The following ATF7 variants were observed in gnomAD, a reference collection of about 807,000 sequenced individuals.
ATF7 encodes activating transcription factor 7.
A neutral mutation model predicts 50.4 loss-of-function variants in ATF7; 10 were observed. The observed-to-expected ratio is 0.20, with a 90% CI of 0.12 to 0.34. The LOEUF (loss-of-function observed/expected upper bound fraction) is 0.34. ATF7 is among the 10% of genes least tolerant of loss of function. ATF7 has a pLI of 1.00. For synonymous variants in ATF7, 201 were observed against 226.4 expected (o/e 0.89, Z 1.01); for missense variants, 465 against 613.9 (o/e 0.76, Z 2.56).
chr12:53,606,870 A>G (rs948147971), intron 1 of ATF7, among the ~76,000 whole-genome samples: 24 of 151,864 alleles, frequency 1.6e-4, no homozygotes, highest in African/African-American at 5.6e-4. Context: ...AGTTTCATCC[A>G]TGTCCCTACA....
chr12:53,620,101 G>C (rs1000966726), intron 1 of ATF7, among the ~76,000 whole-genome samples: 4 of 151,962 alleles, frequency 2.6e-5, no homozygotes, highest in Non-Finnish European at 5.9e-5. Flanking sequence ...CCATGATTGT[G>C]CCACTGTACT....
At chr12:53,611,879 C>T (rs1004959325) in intron 1 of ATF7, among the ~76,000 whole-genome samples, 1 of 152,120 alleles carries the variant, frequency 6.6e-6, no homozygotes, top group African/African-American at 2.4e-5. Context: ...CAGACATGAG[C>T]CACCACTTTC....
chr12:53,606,705 C>G (rs1943621737), intron 1 of ATF7, among the ~76,000 whole-genome samples: 1 of 105,642 alleles, frequency 9.5e-6, no homozygotes, highest in African/African-American at 3.7e-5. Context: ...TAATGCTATC[C>G]CTCCCCCCTC....
intron 9 of ATF7, among the ~76,000 whole-genome samples, chr12:53,531,083 T>C (rs1389314291): frequency 6.6e-6 from 1 of 152,124 alleles, no homozygotes; most frequent in Non-Finnish European, 1.5e-5. Flanking sequence ...GGCTCTGTCA[T>C]ATTTTAGAGG....
At chr12:53,608,538 A>G (rs992664980) in intron 1 of ATF7, among the ~76,000 whole-genome samples, 5 of 152,282 alleles carry the variant, frequency 3.3e-5, no homozygotes, top group South Asian at 2.1e-4. Flanking sequence ...AATTATGCTT[A>G]TATCAGACAA....
At position 53,555,176 on chromosome 12, in the gene ATF7, G is replaced by A. The variant is rs111809672; in HGVS notation, c.49-2539C>T. ...CTCTACTAAAAATACAGAATTAGCC[G>A]GGCATGGTGGCACATGCCTATACTC... On this transcript the variant is annotated intron_variant, in intron 2 of 11. Coordinates refer to ENST00000420353, the MANE Select transcript of ATF7 (RefSeq NM_006856.3). Among the ~76,000 whole-genome samples, 920 of 152,018 alleles carry A rather than the reference G, an allele frequency of 6.1e-3. 6 individuals carry two copies. The highest frequency in any genetic ancestry group is 0.021 in the African/African-American group (882 of 41,476).
At chr12:53,544,740 C>T (rs1475242846) in intron 3 of ATF7, among the ~76,000 whole-genome samples, 1 of 152,014 alleles carries the variant, frequency 6.6e-6, no homozygotes, top group East Asian at 1.9e-4. Context: ...CAGAGTGAGA[C>T]TCTGTCTCAA....
At chr12:53,523,108 AC>A in intron 11 of ATF7, 167 bp downstream of exon 11, 2 of 581,642 alleles carry the variant, frequency 3.4e-6, no homozygotes, top group Non-Finnish European at 6.1e-6. Context: ...TATATCGTCT[AC>A]AAAAACATTT....
intron 2 of ATF7, among the ~76,000 whole-genome samples, chr12:53,564,371 G>C (rs998703240): frequency 6.6e-6 from 1 of 152,166 alleles, no homozygotes; most frequent in Non-Finnish European, 1.5e-5. Context: ...GCAAGACTCT[G>C]TTTCAAAATA....
At chr12:53,617,597 C>G (rs1187022522) in intron 1 of ATF7, among the ~76,000 whole-genome samples, 2 of 152,072 alleles carry the variant, frequency 1.3e-5, no homozygotes, top group African/African-American at 4.8e-5. Flanking sequence ...CCACTGCACT[C>G]CAGCCTGGGT....
chr12:53,540,742 T>A (rs940966413), intron 4 of ATF7, among the ~76,000 whole-genome samples: 7 of 151,332 alleles, frequency 4.6e-5, no homozygotes, highest in Non-Finnish European at 8.8e-5. Flanking sequence ...ATAATAATAA[T>A]AAATAATAAT....
chr12:53,530,281 A>G (rs909041734), intron 9 of ATF7, among the ~76,000 whole-genome samples: 8 of 152,234 alleles, frequency 5.3e-5, no homozygotes, highest in African/African-American at 1.7e-4. Flanking sequence ...ATGTTTGGAC[A>G]TGTGGCAATA....
intron 7 of ATF7, among the ~76,000 whole-genome samples, chr12:53,532,846 G>A (rs1938989649): frequency 6.6e-6 from 1 of 152,190 alleles, no homozygotes; most frequent in Non-Finnish European, 1.5e-5. Flanking sequence ...TCTGTGGGAA[G>A]GGTTGGGGCT....
rs1939010101 is a variant in ATF7, at chr12:53,533,201, C to T, written c.619G>A (p.Val207Met). Reference sequence around the variant, plus strand: ...ATCTGTACTGGAGGCCCTGGCAACACAGGCATGGTCTGTCCATTAGCAAGA... The same window carrying T: ...ATCTGTACTGGAGGCCCTGGCAACATAGGCATGGTCTGTCCATTAGCAAGA... Reference protein sequence around the residue: ...MHLANGQTMPVLPGPPVQMPS... With the variant: ...MHLANGQTMPMLPGPPVQMPS... The change falls in exon 7 of 12, where the codon GTG becomes ATG. Residue 207 changes from valine (V) to methionine (M), a missense_variant. Val to Met is a conservative substitution (Grantham distance 21, BLOSUM62 1). Coordinates refer to ENST00000420353, the MANE Select transcript of ATF7 (RefSeq NM_006856.3). 6.2e-7 allele frequency: 1 copy of T among 1,613,920 alleles called. No individual in the cohort carries two copies. Among genetic ancestry groups the T allele is most frequent in the Non-Finnish European group, 8.5e-7 (1 of 1,179,826 alleles).
At chr12:53,562,800 G>A (rs1395809153) in intron 2 of ATF7, among the ~76,000 whole-genome samples, 1 of 152,066 alleles carries the variant, frequency 6.6e-6, no homozygotes, top group East Asian at 1.9e-4. Context: ...AAGGATGCAA[G>A]AAGATCAGAG....
intron 7 of ATF7, 79 bp from the exon 8 acceptor site, chr12:53,532,702 AGC>A: frequency 9.3e-7 from 1 of 1,077,842 alleles, no homozygotes; most frequent in Non-Finnish European, 1.4e-6. Context: ...CCTAAAATGA[AGC>A]GCTTTTGAGA....
chr12:53,508,869 A>G (rs1944074304), downstream of ATF7, among the ~76,000 whole-genome samples: 1 of 152,192 alleles, frequency 6.6e-6, no homozygotes, highest in Non-Finnish European at 1.5e-5. Flanking sequence ...GAAGGACAGG[A>G]GCAGGCTACT....
At chr12:53,603,112 C>A (rs1288007643) in intron 1 of ATF7, among the ~76,000 whole-genome samples, 1 of 152,172 alleles carries the variant, frequency 6.6e-6, no homozygotes, top group Non-Finnish European at 1.5e-5. Context: ...AAGGATCAGG[C>A]AGGATTCCTT....
chr12:53,575,243 A>C (rs1406414992), intron 2 of ATF7, among the ~76,000 whole-genome samples: 2 of 152,178 alleles, frequency 1.3e-5, no homozygotes, highest in African/African-American at 4.8e-5. Context: ...CCCTGTCTCT[A>C]CTAAAAATAC....
Sources: allele counts gnomAD v4.1 joint callset (sites outside exome capture counted in the v4.1 genomes callset), GRCh38; gene constraint gnomAD v4.1.1; transcripts MANE v1.5; gene names NCBI Gene and HGNC (gene_info 2026-07-23, HGNC 2026-07-21).